CAGE1: variants seen among roughly 807,000 people sequenced by gnomAD.
CAGE1 encodes cancer-associated gene 1 protein.
In CAGE1, 66 loss-of-function variants were observed where a neutral mutation model predicts 94.9. The observed-to-expected ratio is 0.70, with a 90% confidence interval of 0.57 to 0.85. The LOEUF is 0.85. Among genes scored for constraint, CAGE1 ranks in the 40% least tolerant of loss-of-function variants. The pLI, the probability that CAGE1 is intolerant of heterozygous loss-of-function variation, is 0.00. For missense variants in CAGE1, 865 were observed against 950.4 expected (o/e 0.91, Z 1.18); for synonymous variants, 319 against 321.0 (o/e 0.99, Z 0.07).
chr6:7,378,827 G>A lies in CAGE1; in HGVS notation c.477C>T (p.Asp159=), dbSNP rs1189259744. ...CCATTGGATTTTCTTCCTTAAATGAGTCTTGCTTTATATTGTTGTCTTTTG... is the reference window on the plus strand; with the variant it reads ...CCATTGGATTTTCTTCCTTAAATGAATCTTGCTTTATATTGTTGTCTTTTG... ...NYAKDNNIKQ[D]SFKEENPMET... Residue 159 remains aspartate (D), a synonymous_variant, in exon 4 of 14, where the codon GAC becomes GAT. Transcript: ENST00000502583. 5 of 1,613,304 alleles carry A rather than the reference G, an allele frequency of 3.1e-6. No individual in the cohort carries two copies. In the South Asian group the frequency reaches 5.5e-5, roughly 18 times the overall value.
chr6:7,367,903 C>T (rs1248921846), intron 7 of CAGE1, among the ~76,000 whole-genome samples: 1 of 152,144 alleles, frequency 6.6e-6, no homozygotes, highest in East Asian at 1.9e-4. Flanking sequence ...TAATTCTCTT[C>T]ATTTTATCCT....
intron 11 of CAGE1, among the ~76,000 whole-genome samples, chr6:7,354,440 AG>A (rs1561856746): frequency 2.0e-5 from 3 of 152,186 alleles, no homozygotes; most frequent in Non-Finnish European, 4.4e-5. Flanking sequence ...ATTTTGGGTG[AG>A]GCAGGCTTAT....
At chr6:7,372,263 T>C (rs1760561656) in intron 5 of CAGE1, among the ~76,000 whole-genome samples, 1 of 151,936 alleles carries the variant, frequency 6.6e-6, no homozygotes, top group Non-Finnish European at 1.5e-5. Context: ...CTTGAGGTCA[T>C]GAATTCGAGA....
At chr6:7,336,321 T>C (rs1482587674) in intron 11 of CAGE1, among the ~76,000 whole-genome samples, 1 of 152,162 alleles carries the variant, frequency 6.6e-6, no homozygotes, top group East Asian at 1.9e-4. Flanking sequence ...TGCACTCCCA[T>C]GTGTAGAGCT....
intron 12 of CAGE1, among the ~76,000 whole-genome samples, chr6:7,333,007 G>A (rs1208317872): frequency 1.3e-5 from 2 of 151,914 alleles, no homozygotes; most frequent in African/African-American, 4.8e-5. Flanking sequence ...CTGTAGTGCA[G>A]TGGCACGATC....
At chr6:7,379,613 A>G (rs1044172349) in intron 3 of CAGE1, among the ~76,000 whole-genome samples, 5 of 152,234 alleles carry the variant, frequency 3.3e-5, no homozygotes, top group Non-Finnish European at 7.3e-5. Flanking sequence ...ATCAGGAGCA[A>G]ATAAGAAAAC....
intron 4 of CAGE1, among the ~76,000 whole-genome samples, chr6:7,375,105 A>G (rs1293464212): frequency 6.6e-6 from 1 of 151,946 alleles, no homozygotes; most frequent in Non-Finnish European, 1.5e-5. Flanking sequence ...AAATGGTGAA[A>G]TGAATATGAC....
chr6:7,343,198 A>AAAAAGAAAAGAAAAGAAAAG (rs1554136906), intron 11 of CAGE1, among the ~76,000 whole-genome samples: 36 of 137,324 alleles, frequency 2.6e-4, no homozygotes, highest in Middle Eastern at 3.7e-3. Flanking sequence ...CACAAAAAAA[A>AAAAAGAAAAGAAAAGAAAAG]AAAAGAAAAG....
chr6:7,358,028 ATATAT>A (rs1561858046), intron 9 of CAGE1, among the ~76,000 whole-genome samples: 4,888 of 66,858 alleles, frequency 0.073, 306 homozygotes, highest in East Asian at 0.19. Flanking sequence ...AAGTTTTGAG[ATATAT>A]ATATATATAT....
At chr6:7,344,603 C>T (rs571289304) in intron 11 of CAGE1, among the ~76,000 whole-genome samples, 4 of 151,930 alleles carry the variant, frequency 2.6e-5, no homozygotes, top group East Asian at 1.9e-4. Flanking sequence ...GGAGTGCGGG[C>T]GTACGGCCCG....
chr6:7,345,984 CTA>C (rs1411445292), intron 11 of CAGE1, among the ~76,000 whole-genome samples: 2 of 152,130 alleles, frequency 1.3e-5, no homozygotes, highest in African/African-American at 4.8e-5. Context: ...ACCTCAAACT[CTA>C]TTAAATTTTA....
chr6:7,371,228 G>A (rs1447989413), intron 5 of CAGE1, among the ~76,000 whole-genome samples: 1 of 152,160 alleles, frequency 6.6e-6, no homozygotes, highest in East Asian at 1.9e-4. Flanking sequence ...CTCTAGGGTA[G>A]GGCCAGCAAT....
At chr6:7,329,707 A>G (rs549135762) in intron 13 of CAGE1, 142 bp downstream of exon 13, 14 of 545,252 alleles carry the variant, frequency 2.6e-5, no homozygotes, top group African/African-American at 2.1e-4. Context: ...AGGAGACGGA[A>G]GAGCCCTCAT....
At chr6:7,335,692 A>G (rs1758930252) in intron 11 of CAGE1, among the ~76,000 whole-genome samples, 1 of 152,222 alleles carries the variant, frequency 6.6e-6, no homozygotes, top group African/African-American at 2.4e-5. Context: ...CAATCCTCTC[A>G]GCCTCCTGAG....
At chr6:7,381,109 T>C (rs1487086043) in intron 3 of CAGE1, among the ~76,000 whole-genome samples, 1 of 152,254 alleles carries the variant, frequency 6.6e-6, no homozygotes, top group African/African-American at 2.4e-5. Flanking sequence ...TCTTGTTGTA[T>C]ACTGTTATGG....
chr6:7,388,533 A>C (rs3812165), intron 1 of CAGE1, among the ~76,000 whole-genome samples: 4 of 151,990 alleles, frequency 2.6e-5, no homozygotes, highest in Admixed American at 6.6e-5. Context: ...AGGGCTTTCC[A>C]ATATCCCCTA....
chr6:7,389,063 T>G (rs1761240461), intron 1 of CAGE1, 139 bp downstream of exon 1: 3 of 314,454 alleles, frequency 9.5e-6, no homozygotes, highest in South Asian at 7.8e-5. Context: ...TTTTAACATA[T>G]TTATCAAATG....
chr6:7,350,526 A>G (rs1282047687), intron 11 of CAGE1, among the ~76,000 whole-genome samples: 1 of 152,222 alleles, frequency 6.6e-6, no homozygotes, highest in Non-Finnish European at 1.5e-5. Context: ...ACGAGCCTCA[A>G]TAAATTTAAG....
Position 7,339,369 on chromosome 6 carries a change from C to G in CAGE1, c.2370-5279G>C. On this transcript the variant is annotated intron_variant, in intron 11 of 13. Coordinates refer to ENST00000502583, the MANE Select transcript of CAGE1 (RefSeq NM_001170692.2). This position sits in a 1 kb window ranked among gnomAD's most constrained non-coding sequence, Gnocchi z 4.7. ...CTTCTGAACTACAGCAGTCAGTTCC[C>G]GAATCCGCCGGCCCTTCTCACCAAG... 1.9e-6 allele frequency: 3 copies of G among 1,608,450 alleles called. No individual in the cohort carries two copies. Among genetic ancestry groups the G allele is most frequent in the Non-Finnish European group, 1.7e-6 (2 of 1,175,634 alleles).
Sources: allele counts gnomAD v4.1 joint callset (sites outside exome capture counted in the v4.1 genomes callset), GRCh38; gene constraint gnomAD v4.1.1; non-coding constraint Gnocchi (gnomAD v3.1); transcripts MANE v1.5; gene names NCBI Gene and HGNC (gene_info 2026-07-23, HGNC 2026-07-21).